The following AUH variants were observed in gnomAD, a reference collection of about 807,000 sequenced individuals.
The protein encoded by AUH is AU RNA binding methylglutaconyl-CoA hydratase.
Under a neutral mutation model 42.3 loss-of-function variants are expected in AUH, and 29 were observed. The ratio of observed to expected loss-of-function variants is 0.69; its 90% CI spans 0.51 to 0.93. The LOEUF is 0.93. AUH is among the 40% of genes least tolerant of loss of function. The pLI is 0.00. For missense variants in AUH, 452 were observed against 438.1 expected, an observed-to-expected ratio of 1.03 and a Z score of -0.28; for synonymous variants, 174 against 166.4, an observed-to-expected ratio of 1.05 and a Z score of -0.35.
chr9:91,230,797 G>A (rs1827826395), intron 6 of AUH, among the ~76,000 whole-genome samples: 1 of 152,176 alleles, frequency 6.6e-6, no homozygotes, highest in Admixed American at 6.5e-5. Context: ...CTGCAGGTCT[G>A]TTGGAGAACC....
chr9:91,324,546 A>AT (rs1232038471), intron 4 of AUH, among the ~76,000 whole-genome samples: 9 of 146,582 alleles, frequency 6.1e-5, no homozygotes, highest in East Asian at 2.0e-4. Flanking sequence ...CTAAAACCAA[A>AT]TAAAAAAAAA....
At position 91,227,140 on chromosome 9, in the gene AUH, G is replaced by T. The variant is rs1405234050; in HGVS notation, c.656-6148C>A. Among the ~76,000 whole-genome samples, 6 of 150,488 alleles carry T rather than the reference G, an allele frequency of 4.0e-5. No individual in the cohort carries two copies. The East Asian group carries it at 1.2e-3, about 30-fold the overall frequency. On this transcript the variant is annotated intron_variant, in intron 6 of 9. Coordinates refer to ENST00000375731, the MANE Select transcript of AUH (RefSeq NM_001698.3). Reference sequence around the variant, plus strand: ...GGCATTGAATCTGTAAATTACCTTGGGCAGTATGGCCATTTTCACGATATT... The same window carrying T: ...GGCATTGAATCTGTAAATTACCTTGTGCAGTATGGCCATTTTCACGATATT...
intron 6 of AUH, among the ~76,000 whole-genome samples, chr9:91,261,669 AG>A (rs1478166914): frequency 2.6e-5 from 4 of 152,182 alleles, no homozygotes; most frequent in Non-Finnish European, 5.9e-5. Context: ...CAGAATTCCT[AG>A]GTTCCTCTTT....
At chr9:91,270,004 C>G (rs1824986237) in intron 6 of AUH, among the ~76,000 whole-genome samples, 1 of 152,162 alleles carries the variant, frequency 6.6e-6, no homozygotes, top group Admixed American at 6.5e-5. Flanking sequence ...TTTAAACTGG[C>G]ATCAAACTCT....
chr9:91,359,139 C>A (rs1467685086), intron 1 of AUH, among the ~76,000 whole-genome samples: 1 of 152,170 alleles, frequency 6.6e-6, no homozygotes, highest in African/African-American at 2.4e-5. Flanking sequence ...CAGCATGAAT[C>A]CTGCTCTATA....
intron 3 of AUH, among the ~76,000 whole-genome samples, chr9:91,329,958 T>G (rs1268124703): frequency 6.6e-6 from 1 of 152,194 alleles, no homozygotes; most frequent in African/African-American, 2.4e-5. Context: ...GGGTGTTCCC[T>G]AACACTTTTA....
At chr9:91,319,843 G>C (rs987564045) in intron 4 of AUH, among the ~76,000 whole-genome samples, 3 of 152,182 alleles carry the variant, frequency 2.0e-5, no homozygotes, top group Admixed American at 2.0e-4. Flanking sequence ...AATTCAAAAG[G>C]TCAAACGGTG....
At chr9:91,293,659 G>A (rs977668051) in intron 6 of AUH, among the ~76,000 whole-genome samples, 11 of 152,220 alleles carry the variant, frequency 7.2e-5, no homozygotes, top group African/African-American at 2.2e-4. Flanking sequence ...GCCATCTACC[G>A]TAACACAGAA....
intron 5 of AUH, among the ~76,000 whole-genome samples, chr9:91,296,625 T>C (rs1010729717): frequency 2.0e-5 from 3 of 152,124 alleles, no homozygotes; most frequent in Non-Finnish European, 2.9e-5. Flanking sequence ...AATAACTTCT[T>C]TATTTGCATA....
chr9:91,295,451 T>C (rs1377490213), intron 6 of AUH, among the ~76,000 whole-genome samples: 1 of 152,138 alleles, frequency 6.6e-6, no homozygotes, highest in Non-Finnish European at 1.5e-5. Flanking sequence ...TTGAAAGAAT[T>C]ATGAGTAAAA....
rs1037126060 is a variant in AUH, at chr9:91,234,929, C to T, written c.656-13937G>A. ...GGCCAATGTCTGAAATATAACCAGACATCCAAATGAAGATCAGGAAGAACA... is the reference window on the plus strand; with the variant it reads ...GGCCAATGTCTGAAATATAACCAGATATCCAAATGAAGATCAGGAAGAACA... On this transcript the variant is annotated intron_variant, in intron 6 of 9. Coordinates refer to ENST00000375731, the MANE Select transcript of AUH (RefSeq NM_001698.3). Among the ~76,000 whole-genome samples the T allele has an allele frequency of 2.7e-5, 4 of 150,836 alleles. 1 individual carries two copies. In the East Asian group the frequency reaches 5.8e-4, roughly 22 times the overall value.
intron 6 of AUH, among the ~76,000 whole-genome samples, chr9:91,252,540 G>A (rs1371288866): frequency 6.6e-6 from 1 of 152,028 alleles, no homozygotes; most frequent in Non-Finnish European, 1.5e-5. Flanking sequence ...CCATCACTAC[G>A]CTACCTCTCT....
intron 3 of AUH, among the ~76,000 whole-genome samples, chr9:91,338,582 C>G (rs1051110007): frequency 6.6e-6 from 1 of 152,190 alleles, no homozygotes; most frequent in Non-Finnish European, 1.5e-5. Flanking sequence ...AGGTGCCCAC[C>G]ACCACGCCCT....
chr9:91,217,908 G>T (rs1826918440), intron 7 of AUH, among the ~76,000 whole-genome samples: 1 of 152,184 alleles, frequency 6.6e-6, no homozygotes, highest in Non-Finnish European at 1.5e-5. Context: ...AGAGTCACAA[G>T]GAATGAACTG....
intron 3 of AUH, among the ~76,000 whole-genome samples, chr9:91,353,028 C>T (rs150203514): frequency 0.015 from 2,233 of 151,988 alleles, 28 homozygotes; most frequent in South Asian, 0.07. Flanking sequence ...AAAATGATGA[C>T]TTTCAAGGGA....
chr9:91,321,139 T>A (rs1829537774), intron 4 of AUH, among the ~76,000 whole-genome samples: 1 of 152,244 alleles, frequency 6.6e-6, no homozygotes, highest in Admixed American at 6.5e-5. Context: ...TATCTTTTTT[T>A]GGCTAGTAAT....
At position 91,227,106 on chromosome 9, in the gene AUH, G is replaced by C. The variant is rs200869805; in HGVS notation, c.656-6114C>G. Among the ~76,000 whole-genome samples, 162 of 150,892 alleles carry C rather than the reference G, an allele frequency of 1.1e-3. 1 individual carries two copies. In the East Asian group the frequency reaches 0.031, roughly 29 times the overall value. ...CTGTAAAGAAAGGCATTGGTAGCTT[G>C]ATGGGGATGGCATTGAATCTGTAAA... is the stretch of plus-strand genomic sequence containing the variant. On this transcript the variant is annotated intron_variant, in intron 6 of 9. Coordinates refer to ENST00000375731, the MANE Select transcript of AUH (RefSeq NM_001698.3).
chr9:91,289,237 T>G (rs762845407), intron 6 of AUH, among the ~76,000 whole-genome samples: 11 of 152,198 alleles, frequency 7.2e-5, no homozygotes, highest in African/African-American at 2.4e-4. Context: ...TTTTCTAGAG[T>G]GGCTACAATT....
chr9:91,356,720 G>A (rs571984115), intron 1 of AUH, among the ~76,000 whole-genome samples: 1 of 152,172 alleles, frequency 6.6e-6, no homozygotes, highest in South Asian at 2.1e-4. Flanking sequence ...TTTAATCAAA[G>A]ACCATCACCT....
Sources: allele counts gnomAD v4.1 joint callset (sites outside exome capture counted in the v4.1 genomes callset), GRCh38; gene constraint gnomAD v4.1.1; transcripts MANE v1.5; gene names NCBI Gene and HGNC (gene_info 2026-07-23, HGNC 2026-07-21).